PKHD1: variants seen among roughly 807,000 people sequenced by gnomAD.
PKHD1 encodes PKHD1 ciliary IPT domain containing fibrocystin/polyductin.
A neutral mutation model predicts 412.0 loss-of-function variants in PKHD1; 291 were observed. The ratio of observed to expected loss-of-function variants is 0.71; its 90% CI spans 0.64 to 0.78. PKHD1 has a LOEUF of 0.78. Ranked by LOEUF, PKHD1 falls within the 30% of genes least tolerant of loss-of-function variation. The probability of loss-of-function intolerance (pLI) is 0.00; values close to 1 mark genes in which losing one functional copy is unlikely to be tolerated. For synonymous variants in PKHD1, 1,777 were observed against 1,821.5 expected (o/e 0.98, Z 0.62); for missense variants, 4,825 against 4,950.7 (o/e 0.97, Z 0.76).
intron 36 of PKHD1, among the ~76,000 whole-genome samples, chr6:51,958,242 A>T (rs1791446194): frequency 6.6e-6 from 1 of 152,036 alleles, no homozygotes; most frequent in Non-Finnish European, 1.5e-5. Flanking sequence ...GAAAGAAGAG[A>T]CCCTTCAGAT....
At chr6:51,737,742 G>A (rs1453945159) in intron 60 of PKHD1, among the ~76,000 whole-genome samples, 1 of 152,030 alleles carries the variant, frequency 6.6e-6, no homozygotes, top group African/African-American at 2.4e-5. Flanking sequence ...GTGTGTGTGT[G>A]TGTGTGTGTT....
At chr6:51,765,537 A>G (rs56901922) in intron 55 of PKHD1, among the ~76,000 whole-genome samples, 7,818 of 151,542 alleles carry the variant, frequency 0.052, 662 homozygotes, top group African/African-American at 0.18. Flanking sequence ...GCTGGTTCCC[A>G]CCCATCCTTC....
chr6:52,048,079 C>G (rs549769716), intron 23 of PKHD1, among the ~76,000 whole-genome samples: 1 of 152,322 alleles, frequency 6.6e-6, no homozygotes, highest in Admixed American at 6.5e-5. Context: ...CCAAGACATG[C>G]TAGCCACCAC....
intron 43 of PKHD1, among the ~76,000 whole-genome samples, chr6:51,888,897 T>C (rs569065246): frequency 1.6e-4 from 24 of 150,932 alleles, no homozygotes; most frequent in African/African-American, 5.8e-4. Flanking sequence ...TGCACTGCAG[T>C]GATGCTATTA....
intron 60 of PKHD1, among the ~76,000 whole-genome samples, chr6:51,734,374 T>G (rs1783583556): frequency 6.6e-6 from 1 of 152,202 alleles, no homozygotes; most frequent in Non-Finnish European, 1.5e-5. Context: ...ATCTATAAAA[T>G]TTACTTTGTG....
intron 36 of PKHD1, among the ~76,000 whole-genome samples, chr6:51,956,759 G>A (rs947905903): frequency 2.0e-5 from 3 of 152,022 alleles, no homozygotes; most frequent in African/African-American, 7.2e-5. Flanking sequence ...AATGAAATAG[G>A]TGAGCCAGCC....
intron 53 of PKHD1, among the ~76,000 whole-genome samples, chr6:51,785,566 G>A (rs2151220097): frequency 6.6e-6 from 1 of 152,206 alleles, no homozygotes; most frequent in East Asian, 1.9e-4. Flanking sequence ...GGAATAAGAT[G>A]GCCAATTTTC....
At chr6:51,942,670 C>T (rs1218286756) in intron 36 of PKHD1, among the ~76,000 whole-genome samples, 1 of 151,558 alleles carries the variant, frequency 6.6e-6, no homozygotes, top group Non-Finnish European at 1.5e-5. Flanking sequence ...CTTTCCTGTT[C>T]CTCACCCTGA....
chr6:51,966,615 A>G (rs926965180), intron 35 of PKHD1, among the ~76,000 whole-genome samples: 1 of 152,170 alleles, frequency 6.6e-6, no homozygotes, highest in Admixed American at 6.5e-5. Context: ...AACAGGTATT[A>G]TCTCATTTTG....
chr6:51,745,362 G>A (rs950913394), intron 59 of PKHD1, among the ~76,000 whole-genome samples: 3 of 152,098 alleles, frequency 2.0e-5, no homozygotes, highest in African/African-American at 7.2e-5. Context: ...CCTTATAAAA[G>A]GGCTTGAGGA....
In PKHD1 at chr6:51,911,876, C is replaced by T. The variant is rs1177420093; in HGVS notation, c.6413G>A (p.Ser2138Asn). 1 of 1,612,158 alleles carries T rather than the reference C, an allele frequency of 6.2e-7. No individual in the cohort carries two copies. The highest frequency in any genetic ancestry group is 1.1e-5 in the South Asian group (1 of 91,050). Reference protein sequence around the residue: ...LKATVALLSRSITIQGNLTNE... With the variant: ...LKATVALLSRNITIQGNLTNE... ...AGTGAGATTTCCTTGTATGGTAATACTCCTGCTGAGCAGAGCCACAGTGGC... is the reference window on the plus strand; with the variant it reads ...AGTGAGATTTCCTTGTATGGTAATATTCCTGCTGAGCAGAGCCACAGTGGC... The change falls in exon 39 of 67, where the codon AGT becomes AAT. Residue 2138 changes from serine (S) to asparagine (N), a missense_variant. Ser to Asn is a conservative substitution (Grantham distance 46). Coordinates refer to ENST00000371117, the MANE Select transcript of PKHD1 (RefSeq NM_138694.4).
At chr6:51,712,502 A>G (rs758391096) in intron 60 of PKHD1, among the ~76,000 whole-genome samples, 7 of 152,234 alleles carry the variant, frequency 4.6e-5, no homozygotes, top group Non-Finnish European at 8.8e-5. Context: ...TATCATCAAT[A>G]TAAGTCAAAA....
At position 51,843,941 on chromosome 6, in the gene PKHD1, T is replaced by C. The variant is rs143302948; in HGVS notation, c.8107+3834A>G. 1.2e-3 allele frequency among the ~76,000 whole-genome samples: 184 copies of C among 152,330 alleles called. 1 individual carries two copies. The highest frequency in any genetic ancestry group is 4.2e-3 in the African/African-American group (174 of 41,572). The stretch of plus-strand genomic sequence containing the variant: ...TCACATTTCAATCACGGGAACAATA[T>C]ATCATATATGTCATATTATGGTGAA... On this transcript the variant is annotated intron_variant, in intron 50 of 66. Transcript: ENST00000371117.
intron 21 of PKHD1, 148 bp from the exon 22 acceptor site, chr6:52,050,443 T>G: frequency 1.2e-6 from 1 of 824,728 alleles, no homozygotes; most frequent in Non-Finnish European, 2.1e-6. Context: ...AAAGAACACA[T>G]GGAGAGGACG....
At chr6:51,991,655 G>A (rs1797054007) in intron 35 of PKHD1, among the ~76,000 whole-genome samples, 1 of 152,176 alleles carries the variant, frequency 6.6e-6, no homozygotes, top group African/African-American at 2.4e-5. Flanking sequence ...TAATTGTGAT[G>A]TATTTCCAGT....
intron 6 of PKHD1, among the ~76,000 whole-genome samples, chr6:52,076,027 T>C (rs986425239): frequency 6.6e-6 from 1 of 152,282 alleles, no homozygotes. Context: ...ATCAACTCAT[T>C]TGATTTTGCT....
chr6:51,692,261 TCACACA>T (rs3061680), intron 60 of PKHD1, among the ~76,000 whole-genome samples: 475 of 147,532 alleles, frequency 3.2e-3, no homozygotes, highest in Non-Finnish European at 5.1e-3. Flanking sequence ...ATCACATAAT[TCACACA>T]CACACACACA....
chr6:51,724,707 A>C lies in PKHD1; in HGVS notation c.10156+19678T>G, dbSNP rs548975545. On this transcript the variant is annotated intron_variant, in intron 60 of 66. Transcript: ENST00000371117. ...CTATGAATGTTATCTTATATAGAAAAGGGGACTTTGCAGACATAATTAAGT... is the reference window on the plus strand; with the variant it reads ...CTATGAATGTTATCTTATATAGAAACGGGGACTTTGCAGACATAATTAAGT... Among the ~76,000 whole-genome samples the C allele has an allele frequency of 2.6e-5, 4 of 152,324 alleles. No individual in the cohort carries two copies. In the East Asian group the frequency reaches 7.7e-4, roughly 29 times the overall value.
At chr6:51,976,639 A>T (rs1794476871) in intron 35 of PKHD1, among the ~76,000 whole-genome samples, 1 of 152,208 alleles carries the variant, frequency 6.6e-6, no homozygotes. Context: ...TATGTTGCGC[A>T]TATTTTACCA....
Sources: allele counts gnomAD v4.1 joint callset (sites outside exome capture counted in the v4.1 genomes callset), GRCh38; gene constraint gnomAD v4.1.1; transcripts MANE v1.5; gene names NCBI Gene and HGNC (gene_info 2026-07-23, HGNC 2026-07-21).